Variants in PABPC4L observed in about 807,000 individuals in gnomAD.
PABPC4L encodes the protein poly(A) binding protein cytoplasmic 4 like.
For missense variants in PABPC4L, 452 were observed against 451.4 expected, an observed-to-expected ratio of 1.00 and a Z score of -0.01; for synonymous variants, 169 against 164.1, an observed-to-expected ratio of 1.03 and a Z score of -0.23.
the PABPC4L span, among the ~76,000 whole-genome samples, chr4:134,120,710 C>A: frequency 6.6e-6 from 1 of 151,260 alleles, no homozygotes; most frequent in Non-Finnish European, 1.5e-5. Flanking sequence ...CTAATATTTA[C>A]TTCTTTGAAA....
At chr4:134,128,473 G>A in the PABPC4L span, among the ~76,000 whole-genome samples, 1 of 152,228 alleles carries the variant, frequency 6.6e-6, no homozygotes, top group South Asian at 2.1e-4. Flanking sequence ...AAACCCTACA[G>A]ACTAGAAGAG....
At chr4:134,027,914 G>C in the PABPC4L span, among the ~76,000 whole-genome samples, 12 of 152,092 alleles carry the variant, frequency 7.9e-5, no homozygotes, top group African/African-American at 2.7e-4. Flanking sequence ...ATTTACACAA[G>C]CTAAGCCAAC....
chr4:134,139,428 T>G, the PABPC4L span, among the ~76,000 whole-genome samples: 2 of 152,084 alleles, frequency 1.3e-5, no homozygotes, highest in Non-Finnish European at 2.9e-5. Context: ...AAGGTAGCTG[T>G]AATTGAACAA....
the PABPC4L span, among the ~76,000 whole-genome samples, chr4:134,188,122 G>C: frequency 6.6e-6 from 1 of 151,066 alleles, no homozygotes; most frequent in Non-Finnish European, 1.5e-5. Context: ...AGGGGTGTTT[G>C]TGTGTGTGTG....
chr4:133,969,690 G>A, the PABPC4L span, among the ~76,000 whole-genome samples: 1 of 152,142 alleles, frequency 6.6e-6, no homozygotes, highest in Non-Finnish European at 1.5e-5. Context: ...CTGCCAAAAG[G>A]GAAGGGTGTT....
chr4:134,053,371 T>G, the PABPC4L span, among the ~76,000 whole-genome samples: 1 of 152,192 alleles, frequency 6.6e-6, no homozygotes, highest in East Asian at 1.9e-4. Flanking sequence ...GTCTCCTCAA[T>G]AGGCAACATA....
At chr4:133,991,410 G>A in the PABPC4L span, among the ~76,000 whole-genome samples, 40 of 152,268 alleles carry the variant, frequency 2.6e-4, 1 homozygote, top group Non-Finnish European at 5.0e-4. Context: ...ATATGCTTAT[G>A]CTTCCAGTCA....
the PABPC4L span, chr4:134,010,760 T>C: frequency 6.6e-6 from 1 of 152,094 alleles, no homozygotes; most frequent in African/African-American, 2.4e-5. Flanking sequence ...CCACAGTCCT[T>C]TGGCCAAATC....
chr4:134,033,268 T>A, the PABPC4L span, among the ~76,000 whole-genome samples: 2 of 151,808 alleles, frequency 1.3e-5, no homozygotes, highest in Non-Finnish European at 2.9e-5. Flanking sequence ...AATTGATAAC[T>A]GTTATGTGTT....
chr4:134,154,198 C>T, the PABPC4L span, among the ~76,000 whole-genome samples: 4 of 152,034 alleles, frequency 2.6e-5, no homozygotes, highest in Non-Finnish European at 5.9e-5. Context: ...ATAAGAAACT[C>T]TACTTCAATC....
chr4:134,186,434 A>C, the PABPC4L span, among the ~76,000 whole-genome samples: 2 of 152,300 alleles, frequency 1.3e-5, no homozygotes, highest in East Asian at 3.9e-4. Flanking sequence ...AAAAACAAGA[A>C]ATGGGGAAAA....
chr4:134,181,853 T>C, the PABPC4L span, among the ~76,000 whole-genome samples: 10 of 151,958 alleles, frequency 6.6e-5, no homozygotes, highest in African/African-American at 2.2e-4. Context: ...TACAAGATGC[T>C]ACTTAAATAA....
chr4:134,182,378 T>A, the PABPC4L span, among the ~76,000 whole-genome samples: 1 of 152,012 alleles, frequency 6.6e-6, no homozygotes, highest in Non-Finnish European at 1.5e-5. Context: ...TAAATGGTGC[T>A]GGGATAACTG....
At chr4:134,018,388 A>G in the PABPC4L span, among the ~76,000 whole-genome samples, 3 of 152,076 alleles carry the variant, frequency 2.0e-5, no homozygotes, top group African/African-American at 7.2e-5. Flanking sequence ...TGAAAATGGT[A>G]TATGTGCAGG....
chr4:134,038,039 T>C, the PABPC4L span, among the ~76,000 whole-genome samples: 1 of 152,168 alleles, frequency 6.6e-6, no homozygotes, highest in East Asian at 1.9e-4. Flanking sequence ...TGAAGGGCTG[T>C]TGAATGTTTT....
the PABPC4L span, among the ~76,000 whole-genome samples, chr4:134,131,714 C>CAAAAAAAAA: frequency 1.4e-3 from 15 of 10,670 alleles, 1 homozygote; most frequent in Admixed American, 3.7e-3. Flanking sequence ...CCTGTGAAAC[C>CAAAAAAAAA]AAAAAAAAAA....
the PABPC4L span, among the ~76,000 whole-genome samples, chr4:134,165,852 C>T: frequency 3.3e-5 from 5 of 152,080 alleles, no homozygotes; most frequent in Admixed American, 6.6e-5. Flanking sequence ...TATCATAGCG[C>T]CATTCACAAT....
chr4:134,177,252 C>T, the PABPC4L span, among the ~76,000 whole-genome samples: 2 of 147,698 alleles, frequency 1.4e-5, no homozygotes, highest in African/African-American at 5.0e-5. Flanking sequence ...AGGATCTTGG[C>T]TCACTGCAGC....
At chr4:134,182,858 C>T in the PABPC4L span, among the ~76,000 whole-genome samples, 1 of 151,940 alleles carries the variant, frequency 6.6e-6, no homozygotes, top group Admixed American at 6.6e-5. Context: ...TAGGAAAATG[C>T]TCAACATCAC....
Sources: allele counts gnomAD v4.1 joint callset (sites outside exome capture counted in the v4.1 genomes callset), GRCh38; gene constraint gnomAD v4.1.1; transcripts MANE v1.5; gene names NCBI Gene and HGNC (gene_info 2026-07-23, HGNC 2026-07-21).